Variants in NLGN1 observed in about 807,000 individuals in gnomAD.
NLGN1 encodes neuroligin-1.
In NLGN1, 12 loss-of-function variants were observed where a neutral mutation model predicts 65.5. The observed-to-expected ratio is 0.18, with a 90% CI of 0.12 to 0.30. The LOEUF is 0.30. NLGN1 is among the 10% of genes least tolerant of loss of function. NLGN1 has a pLI of 1.00. For missense variants in NLGN1, 750 were observed against 1,007.1 expected, an observed-to-expected ratio of 0.74 and a Z score of 3.46; for synonymous variants, 350 against 359.5, an observed-to-expected ratio of 0.97 and a Z score of 0.30.
At chr3:173,790,355 T>C (rs1003754769) in intron 3 of NLGN1, among the ~76,000 whole-genome samples, 2 of 152,132 alleles carry the variant, frequency 1.3e-5, no homozygotes, top group African/African-American at 4.8e-5. Flanking sequence ...ATTTATTAGA[T>C]AGAGGATATT....
intron 4 of NLGN1, among the ~76,000 whole-genome samples, chr3:174,194,454 A>G (rs888547462): frequency 6.6e-6 from 1 of 151,950 alleles, no homozygotes; most frequent in African/African-American, 2.4e-5. Flanking sequence ...TCTCAAAAAA[A>G]AAAAAGAAAA....
intron 4 of NLGN1, among the ~76,000 whole-genome samples, chr3:174,217,851 A>G (rs761719262): frequency 1.6e-4 from 24 of 152,070 alleles, no homozygotes; most frequent in Non-Finnish European, 2.9e-4. Flanking sequence ...ATATACATAC[A>G]TCAGGCATTG....
chr3:174,225,539 G>A (rs1480397666), intron 4 of NLGN1, among the ~76,000 whole-genome samples: 2 of 152,152 alleles, frequency 1.3e-5, no homozygotes, highest in Non-Finnish European at 2.9e-5. Context: ...AGACCATCCT[G>A]GCTAACACAG....
intron 2 of NLGN1, among the ~76,000 whole-genome samples, chr3:173,578,365 A>G (rs1577361502): frequency 6.6e-6 from 1 of 152,226 alleles, no homozygotes; most frequent in East Asian, 1.9e-4. Context: ...ACAATAATGA[A>G]AATTCAGGCT....
chr3:174,046,041 C>T (rs1261203010), intron 4 of NLGN1, among the ~76,000 whole-genome samples: 2 of 152,098 alleles, frequency 1.3e-5, no homozygotes, highest in Non-Finnish European at 2.9e-5. Context: ...TCATTATACT[C>T]TTAGTGTTTC....
intron 4 of NLGN1, among the ~76,000 whole-genome samples, chr3:174,184,446 C>A (rs1222250199): frequency 6.6e-5 from 10 of 152,066 alleles, no homozygotes; most frequent in Non-Finnish European, 1.5e-4. Flanking sequence ...TATTAAATGT[C>A]ATTTAATTCT....
At chr3:174,154,111 A>T (rs573034190) in intron 4 of NLGN1, among the ~76,000 whole-genome samples, 3 of 152,202 alleles carry the variant, frequency 2.0e-5, no homozygotes, top group Non-Finnish European at 4.4e-5. Flanking sequence ...ATATTAGGTT[A>T]TTATGGAATC....
At chr3:173,603,656 C>G (rs1360206830) in intron 2 of NLGN1, among the ~76,000 whole-genome samples, 1 of 152,010 alleles carries the variant, frequency 6.6e-6, no homozygotes, top group Non-Finnish European at 1.5e-5. Context: ...ATCTTAATTT[C>G]AAATAGGAAA....
intron 4 of NLGN1, among the ~76,000 whole-genome samples, chr3:174,123,164 A>G (rs1250034924): frequency 6.6e-6 from 1 of 152,138 alleles, no homozygotes; most frequent in East Asian, 1.9e-4. Flanking sequence ...CCAACTCATC[A>G]AGATTCATAA....
At chr3:173,682,834 G>A (rs1296322214) in intron 3 of NLGN1, among the ~76,000 whole-genome samples, 3 of 152,062 alleles carry the variant, frequency 2.0e-5, no homozygotes. Flanking sequence ...AGGTGTCAAT[G>A]AATTATATAC....
chr3:173,545,371 G>A (rs1560415978), intron 2 of NLGN1, among the ~76,000 whole-genome samples: 3 of 152,012 alleles, frequency 2.0e-5, no homozygotes. Flanking sequence ...ACCATGCCTG[G>A]CCCTCGGTAA....
rs190871024 is a variant in NLGN1 at position 173,960,876 on chromosome 3, G to C, written c.646+153044G>C. 3.3e-5 allele frequency among the ~76,000 whole-genome samples: 5 copies of C among 151,742 alleles called. No homozygotes were observed. In the East Asian group the frequency reaches 9.7e-4, roughly 29 times the overall value. On this transcript the variant is annotated intron_variant, in intron 4 of 6. Transcript: ENST00000457714. ...ATTCATTTTGCAAGTGTTTATGTCT[G>C]ATCTACCTTTAATATATACTTTACA...
chr3:173,816,848 T>C (rs1719133161), intron 4 of NLGN1, among the ~76,000 whole-genome samples: 1 of 152,262 alleles, frequency 6.6e-6, no homozygotes. Flanking sequence ...AATGTCATCT[T>C]CTCAGGGAGA....
At chr3:173,891,781 A>G (rs1264860115) in intron 4 of NLGN1, among the ~76,000 whole-genome samples, 9 of 152,194 alleles carry the variant, frequency 5.9e-5, no homozygotes, top group Non-Finnish European at 1.3e-4. Flanking sequence ...CCGGTGTTCA[A>G]AAGAAACCTA....
At chr3:173,913,985 A>G (rs936896153) in intron 4 of NLGN1, among the ~76,000 whole-genome samples, 1 of 152,230 alleles carries the variant, frequency 6.6e-6, no homozygotes, top group African/African-American at 2.4e-5. Flanking sequence ...AAACAAGGAA[A>G]TGACATCTAA....
intron 4 of NLGN1, among the ~76,000 whole-genome samples, chr3:173,901,124 T>C (rs1056893344): frequency 1.3e-5 from 2 of 151,938 alleles, no homozygotes; most frequent in African/African-American, 2.4e-5. Flanking sequence ...AGCTAGAATA[T>C]AGATTTATTT....
intron 4 of NLGN1, among the ~76,000 whole-genome samples, chr3:174,147,419 C>CTTTTTTTTTTTTTTTTTTTTT (rs574298501): frequency 2.8e-5 from 1 of 36,252 alleles, no homozygotes; most frequent in African/African-American, 9.0e-5. Context: ...TGGCTCATGG[C>CTTTTTTTTTTTTTTTTTTTTT]TTTTTTTTTT....
At chr3:174,040,812 A>C (rs557865174) in intron 4 of NLGN1, among the ~76,000 whole-genome samples, 1 of 152,256 alleles carries the variant, frequency 6.6e-6, no homozygotes, top group African/African-American at 2.4e-5. Flanking sequence ...TCTATCACCT[A>C]GATTCTATCA....
At chr3:174,086,981 G>A (rs1743540184) in intron 4 of NLGN1, among the ~76,000 whole-genome samples, 1 of 152,094 alleles carries the variant, frequency 6.6e-6, no homozygotes, top group East Asian at 1.9e-4. Context: ...GACAAAACGT[G>A]GAGCTGGAGG....
Sources: gnomAD v4.1 joint callset for allele counts (sites outside exome capture counted in the v4.1 genomes callset) on GRCh38, gnomAD v4.1.1 for gene constraint, MANE v1.5 for transcripts, NCBI Gene and HGNC (gene_info 2026-07-23, HGNC 2026-07-21) for gene names.